The following PALS1 variants were observed in gnomAD, a reference collection of about 807,000 sequenced individuals.
PALS1 encodes the protein protein PALS1.
PALS1 carries 31 observed loss-of-function variants against 78.9 expected under a neutral mutation model. The ratio of observed to expected loss-of-function variants is 0.39; its 90% confidence interval spans 0.30 to 0.53. The LOEUF (loss-of-function observed/expected upper bound fraction) is 0.53, where lower values mean the gene tolerates loss of function less well. Among genes scored for constraint, PALS1 ranks in the 20% least tolerant of loss-of-function variants. The probability of loss-of-function intolerance (pLI) is 0.67; values close to 1 mark genes in which losing one functional copy is unlikely to be tolerated. For missense variants in PALS1, 704 were observed against 826.5 expected, an observed-to-expected ratio of 0.85 and a Z score of 1.82; for synonymous variants, 276 against 270.9, an observed-to-expected ratio of 1.02 and a Z score of -0.18.
intron 8 of PALS1, among the ~76,000 whole-genome samples, chr14:67,311,156 C>T (rs1334352296): frequency 6.6e-6 from 1 of 151,848 alleles, no homozygotes; most frequent in Non-Finnish European, 1.5e-5. Context: ...ACTAAACATA[C>T]AAAAATTAGC....
intron 4 of PALS1, among the ~76,000 whole-genome samples, chr14:67,295,899 T>C (rs1312205673): frequency 6.6e-6 from 1 of 152,096 alleles, no homozygotes; most frequent in African/African-American, 2.4e-5. Flanking sequence ...ACAGAAAAGC[T>C]TAAAAACAGA....
chr14:67,297,888 C>T (rs1468859357), intron 4 of PALS1, among the ~76,000 whole-genome samples: 1 of 152,106 alleles, frequency 6.6e-6, no homozygotes, highest in Non-Finnish European at 1.5e-5. Flanking sequence ...GGGGAAATAG[C>T]CCTATTGATA....
At chr14:67,297,404 G>A (rs896269409) in intron 4 of PALS1, among the ~76,000 whole-genome samples, 9 of 151,652 alleles carry the variant, frequency 5.9e-5, no homozygotes, top group Admixed American at 3.9e-4. Flanking sequence ...CTATCTCTGG[G>A]TGTTAGATAA....
At chr14:67,327,225 T>G (rs1332407223) in intron 14 of PALS1, among the ~76,000 whole-genome samples, 1 of 152,186 alleles carries the variant, frequency 6.6e-6, no homozygotes, top group Non-Finnish European at 1.5e-5. Flanking sequence ...GCTCTAAACA[T>G]TCATAAAGTC....
chr14:67,327,555 A>G (rs2085377702), intron 14 of PALS1, among the ~76,000 whole-genome samples: 1 of 151,746 alleles, frequency 6.6e-6, no homozygotes, highest in Non-Finnish European at 1.5e-5. Flanking sequence ...TTTGTTACGT[A>G]TGTATACATG....
At position 67,333,994 on chromosome 14, in the gene PALS1, AATAG is replaced by A. The variant is rs1209565992; in HGVS notation, c.*1041_*1044del. The A allele has an allele frequency of 6.6e-6, 1 of 152,612 alleles. No homozygotes were observed. Among genetic ancestry groups the A allele is most frequent in the African/African-American group, 2.4e-5 (1 of 41,460 alleles). 9.5% of individuals were successfully genotyped at this position (152,612 alleles called of 1,614,324 possible). A position where few individuals can be genotyped will look rare whatever the true frequency, so the allele number is the denominator to read the frequency against. On this transcript the variant is annotated 3_prime_UTR_variant, in exon 15 of 15. Coordinates refer to ENST00000261681, the MANE Select transcript of PALS1 (RefSeq NM_022474.4). The stretch of plus-strand genomic sequence containing the variant: ...GCTGCTGTACTGTATATTAATATTT[AATAG>A]ATCAACAAATGGTCATTGAAAACAC...
Position 67,278,721 on chromosome 14 carries a change from G to C in PALS1, c.-153-297G>C, listed in dbSNP as rs544883610. 3.0e-4 allele frequency among the ~76,000 whole-genome samples: 46 copies of C among 152,226 alleles called. No homozygotes were observed. In the South Asian group the frequency reaches 8.1e-3, roughly 27 times the overall value. On this transcript the variant is annotated intron_variant, in intron 2 of 14. Transcript: ENST00000261681. ...AAGCAACGTGTTCTCTACCAAACTA[G>C]TACCCCAAACTTTTTACTTTCCTAC... is the stretch of plus-strand genomic sequence containing the variant.
rs117760331 is a variant in PALS1, at chr14:67,291,787, C to G, written c.368-724C>G. Reference sequence around the variant, plus strand: ...AATAAACCTCAACTTCCTTACTAGTCAAATAAATGGAAGATTTTTAAAAAT... The same window carrying G: ...AATAAACCTCAACTTCCTTACTAGTGAAATAAATGGAAGATTTTTAAAAAT... On this transcript the variant is annotated intron_variant, in intron 3 of 14. Transcript: ENST00000261681. Among the ~76,000 whole-genome samples the G allele has an allele frequency of 4.2e-3, 637 of 152,202 alleles. 17 individuals are homozygous for G. The East Asian group carries it at 0.055, about 13-fold the overall frequency.
Position 67,335,831 on chromosome 14 carries a change from C to A in PALS1, c.*2875C>A, listed in dbSNP as rs2085523859. ...AATTTTAAAAGCCACTAAGCAATTTCTCTTGCTATTTGCTCGGCCACTCAA... is the reference window on the plus strand; with the variant it reads ...AATTTTAAAAGCCACTAAGCAATTTATCTTGCTATTTGCTCGGCCACTCAA... On this transcript the variant is annotated 3_prime_UTR_variant, in exon 15 of 15. Transcript: ENST00000261681. 6.6e-6 allele frequency: 1 copy of A among 152,310 alleles called. No individual in the cohort carries two copies. The highest frequency in any genetic ancestry group is 1.5e-5 in the Non-Finnish European group (1 of 68,046). The allele number at this position is 152,310 out of a possible 1,614,324, so 9.4% of individuals were successfully genotyped here.
At chr14:67,319,122 T>C (rs1266898752) in intron 11 of PALS1, among the ~76,000 whole-genome samples, 1 of 151,982 alleles carries the variant, frequency 6.6e-6, no homozygotes, top group Non-Finnish European at 1.5e-5. Flanking sequence ...TAATACATGA[T>C]TGGTTGAGCT....
At chr14:67,328,634 C>A (rs1295677892) in intron 14 of PALS1, among the ~76,000 whole-genome samples, 1 of 152,060 alleles carries the variant, frequency 6.6e-6, no homozygotes, top group East Asian at 1.9e-4. Flanking sequence ...GTCTTTAATC[C>A]ATCTTGAATT....
chr14:67,286,690 T>C (rs1470946600), intron 3 of PALS1, among the ~76,000 whole-genome samples: 2 of 149,534 alleles, frequency 1.3e-5, no homozygotes, highest in Non-Finnish European at 3.0e-5. Flanking sequence ...ACTCCATCTC[T>C]ACCAAAAAAA....
At chr14:67,316,722 G>C in intron 9 of PALS1, 110 bp from the exon 10 acceptor site, 1 of 765,646 alleles carries the variant, frequency 1.3e-6, no homozygotes, top group Non-Finnish European at 2.0e-6. Flanking sequence ...GGATTTGGAA[G>C]GGAATATAAG....
In PALS1 at chr14:67,292,518, A is replaced by G; in HGVS notation, c.375A>G (p.Glu125=). The G allele has an allele frequency of 3.1e-6, 5 of 1,606,210 alleles. No homozygotes were observed. The highest frequency in any genetic ancestry group is 4.3e-6 in the Non-Finnish European group (5 of 1,173,596). ...PHYAVKILEI[E]DLFSSLKHIQ... is the part of the protein sequence containing the mutation. ...CTTTTCTTCTTCTACTAGAAATAGA[A>G]GACTTGTTTTCTTCACTTAAACATA... The change falls in exon 4 of 15, where the codon GAA becomes GAG. Residue 125 remains glutamate, a synonymous_variant. Transcript: ENST00000261681.
intron 3 of PALS1, among the ~76,000 whole-genome samples, chr14:67,291,420 G>T (rs1461273730): frequency 6.6e-6 from 1 of 151,950 alleles, no homozygotes; most frequent in African/African-American, 2.4e-5. Flanking sequence ...AAGTAGCTAG[G>T]ATTACAGGTG....
chr14:67,332,668 G>T, intron 14 of PALS1, 112 bp from the exon 15 acceptor site: 2 of 1,101,660 alleles, frequency 1.8e-6, no homozygotes, highest in Non-Finnish European at 1.3e-6. Flanking sequence ...GGTTGGGAGA[G>T]ACAGAAGGAA....
rs555184594 is a variant in PALS1, at chr14:67,286,578, G to C, written c.368-5933G>C. On this transcript the variant is annotated intron_variant, in intron 3 of 14. Coordinates refer to ENST00000261681, the MANE Select transcript of PALS1 (RefSeq NM_022474.4). ...TGTGGAAAATTAACTGTTCTTAGCCGGGCGTGGTGGCTCATGCCTATAATC... is the reference window on the plus strand; with the variant it reads ...TGTGGAAAATTAACTGTTCTTAGCCCGGCGTGGTGGCTCATGCCTATAATC... 5.9e-5 allele frequency among the ~76,000 whole-genome samples: 9 copies of C among 152,032 alleles called. No individual in the cohort carries two copies. In the East Asian group the frequency reaches 1.7e-3, roughly 29 times the overall value.
rs1770781879 is a variant in PALS1 at position 67,333,200 on chromosome 14, C to G, written c.*244C>G. The G allele has an allele frequency of 2.8e-6, 1 of 355,050 alleles. No individual in the cohort carries two copies. The highest frequency in any genetic ancestry group is 5.1e-6 in the Non-Finnish European group (1 of 195,972). The allele number at this position is 355,050 out of a possible 1,614,324, so 22.0% of individuals were successfully genotyped here. On this transcript the variant is annotated 3_prime_UTR_variant, in exon 15 of 15. Transcript: ENST00000261681. ...CTCATTTTGGGATTCTAAATGGAAG[C>G]TTTCAACAGAGCATTCCATTTTGTC...
chr14:67,276,950 A>T (rs1269940647), intron 2 of PALS1, among the ~76,000 whole-genome samples: 1 of 152,222 alleles, frequency 6.6e-6, no homozygotes, highest in East Asian at 1.9e-4. Context: ...TTAAAAACAC[A>T]TCATTTAATA....
Sources: allele counts gnomAD v4.1 joint callset (sites outside exome capture counted in the v4.1 genomes callset), GRCh38; gene constraint gnomAD v4.1.1; transcripts MANE v1.5; gene names NCBI Gene and HGNC (gene_info 2026-07-23, HGNC 2026-07-21).